PDZK1: variants seen among roughly 807,000 people sequenced by gnomAD.
PDZK1 encodes PDZ domain containing 1.
PDZK1 carries 23 observed loss-of-function variants against 38.1 expected under a neutral mutation model. The ratio of observed to expected loss-of-function variants is 0.60; its 90% CI spans 0.43 to 0.85. The LOEUF (loss-of-function observed/expected upper bound fraction) is 0.85. Among genes scored for constraint, PDZK1 ranks in the 40% least tolerant of loss-of-function variants. The pLI, the probability that PDZK1 is intolerant of heterozygous loss-of-function variation, is 0.00. For synonymous variants in PDZK1, 98 were observed against 186.2 expected (o/e 0.53, Z 3.86); for missense variants, 297 against 504.3 (o/e 0.59, Z 3.94).
intron 4 of PDZK1, among the ~76,000 whole-genome samples, chr1:145,681,967 C>A (rs1654300652): frequency 1.2e-5 from 1 of 85,922 alleles, no homozygotes; most frequent in Non-Finnish European, 2.2e-5. Context: ...CTCAGGAGTT[C>A]AAGACCAGCC....
At chr1:145,680,398 C>G (rs1444449920) in intron 5 of PDZK1, among the ~76,000 whole-genome samples, 1 of 151,956 alleles carries the variant, frequency 6.6e-6, no homozygotes, top group Non-Finnish European at 1.5e-5. Flanking sequence ...CTGAAAGAAC[C>G]TAGTGTTCTT....
At chr1:145,706,767 G>A (rs980904200) in intron 1 of PDZK1, among the ~76,000 whole-genome samples, 5 of 152,056 alleles carry the variant, frequency 3.3e-5, no homozygotes, top group African/African-American at 1.2e-4. Flanking sequence ...CCTGGGGAAT[G>A]TATGTTTTAA....
At chr1:145,701,174 C>G (rs1655939024) in intron 1 of PDZK1, among the ~76,000 whole-genome samples, 1 of 151,332 alleles carries the variant, frequency 6.6e-6, no homozygotes, top group Non-Finnish European at 1.5e-5. Flanking sequence ...CACTGCACTC[C>G]AACCTGGGCA....
intron 6 of PDZK1, chr1:145,674,239 G>A (rs1333079358): frequency 2.0e-6 from 2 of 985,160 alleles, no homozygotes; most frequent in African/African-American, 3.5e-5. Context: ...TCCCTGTTGG[G>A]AAATGACATA....
At chr1:145,706,770 T>G (rs928253228) in intron 1 of PDZK1, among the ~76,000 whole-genome samples, 5 of 152,078 alleles carry the variant, frequency 3.3e-5, no homozygotes, top group African/African-American at 1.2e-4. Flanking sequence ...GGGGAATGTA[T>G]GTTTTAAAAT....
chr1:145,674,640 G>GA (rs1653459636), intron 6 of PDZK1, among the ~76,000 whole-genome samples: 1 of 152,072 alleles, frequency 6.6e-6, no homozygotes, highest in Admixed American at 6.6e-5. Context: ...CAAATGCACA[G>GA]AAGCAAACAA....
At chr1:145,698,465 G>C (rs1655762033) in intron 1 of PDZK1, among the ~76,000 whole-genome samples, 1 of 152,088 alleles carries the variant, frequency 6.6e-6, no homozygotes, top group Non-Finnish European at 1.5e-5. Context: ...ACTACAAAGA[G>C]TCAATGAATT....
chr1:145,676,043 A>G (rs1175696619), intron 6 of PDZK1: 1 of 187,022 alleles, frequency 5.3e-6, no homozygotes, highest in Non-Finnish European at 1.0e-5. Flanking sequence ...GATTTTATTC[A>G]TGCTTCATTC....
chr1:145,696,160 G>A (rs1404673471), intron 1 of PDZK1, among the ~76,000 whole-genome samples: 2 of 152,178 alleles, frequency 1.3e-5, no homozygotes, highest in Admixed American at 6.5e-5. Flanking sequence ...AGCTCAATTC[G>A]AACACAACTG....
In PDZK1 at chr1:145,706,124, A is replaced by G. The variant is rs587658966; in HGVS notation, c.-3+1193T>C. ...AAGATGACAGACCTTCACTTGATCA[A>G]TAATGAAATTGAGGCTCCAGTTGGC... On this transcript the variant is annotated intron_variant, in intron 1 of 8. Transcript: ENST00000417171. Among the ~76,000 whole-genome samples the G allele has an allele frequency of 1.1e-3, 163 of 152,340 alleles. 1 individual carries two copies. The highest frequency in any genetic ancestry group is 3.8e-3 in the African/African-American group (158 of 41,576).
At chr1:145,682,740 C>T (rs1654392279) in intron 3 of PDZK1, 104 bp from the exon 4 acceptor site, 5 of 1,376,864 alleles carry the variant, frequency 3.6e-6, no homozygotes, top group Non-Finnish European at 5.0e-6. Context: ...CTGTGATTGC[C>T]TCCCGATTTC....
chr1:145,688,085 C>G, intron 1 of PDZK1, 62 bp from the exon 2 acceptor site: 1 of 1,349,970 alleles, frequency 7.4e-7, no homozygotes, highest in Non-Finnish European at 1.1e-6. Context: ...GAGTGAGAAC[C>G]CCATCCTCCA....
chr1:145,682,887 C>A (rs1411484746), intron 3 of PDZK1, among the ~76,000 whole-genome samples: 8 of 152,190 alleles, frequency 5.3e-5, no homozygotes, highest in Admixed American at 1.3e-4. Flanking sequence ...CACATATACC[C>A]TTTCCCTATG....
At chr1:145,683,480 C>T (rs1553700810) in intron 3 of PDZK1, among the ~76,000 whole-genome samples, 6 of 152,182 alleles carry the variant, frequency 3.9e-5, no homozygotes, top group African/African-American at 1.4e-4. Flanking sequence ...AGTCATCTCA[C>T]CAATGTAGGC....
At chr1:145,699,135 G>A (rs1489630663) in intron 1 of PDZK1, among the ~76,000 whole-genome samples, 1 of 151,936 alleles carries the variant, frequency 6.6e-6, no homozygotes, top group East Asian at 1.9e-4. Flanking sequence ...CTACTCAGGA[G>A]TCTGAGGCAG....
intron 3 of PDZK1, among the ~76,000 whole-genome samples, chr1:145,682,860 C>T (rs1222354935): frequency 2.0e-5 from 3 of 152,172 alleles, no homozygotes; most frequent in East Asian, 1.9e-4. Context: ...GGGCTGCCTT[C>T]GATTGTCTTG....
chr1:145,689,760 C>T (rs1282778485), intron 1 of PDZK1, among the ~76,000 whole-genome samples: 2 of 152,100 alleles, frequency 1.3e-5, no homozygotes, highest in Non-Finnish European at 2.9e-5. Flanking sequence ...AACGGATGAC[C>T]ACACAGGATA....
At chr1:145,693,871 T>C (rs1655461181) in intron 1 of PDZK1, among the ~76,000 whole-genome samples, 1 of 151,952 alleles carries the variant, frequency 6.6e-6, no homozygotes, top group Non-Finnish European at 1.5e-5. Flanking sequence ...AATGTTGAGA[T>C]TGAATGAACT....
chr1:145,681,319 T>G (rs1337416451), intron 4 of PDZK1, among the ~76,000 whole-genome samples: 3 of 146,684 alleles, frequency 2.0e-5, no homozygotes, highest in Admixed American at 6.7e-5. Context: ...GTGTCACTCT[T>G]TCGCCCAGGC....
Sources: gnomAD v4.1 joint callset for allele counts (sites outside exome capture counted in the v4.1 genomes callset) on GRCh38, gnomAD v4.1.1 for gene constraint, MANE v1.5 for transcripts, NCBI Gene and HGNC (gene_info 2026-07-23, HGNC 2026-07-21) for gene names.